Variants in ACSL3 observed in about 807,000 individuals in gnomAD.
ACSL3 encodes the protein fatty acid CoA ligase Acsl3.
A neutral mutation model predicts 84.7 loss-of-function variants in ACSL3; 34 were observed. That is an observed-to-expected ratio of 0.40 (90% CI 0.31 to 0.53). ACSL3 has a LOEUF of 0.53. Among genes scored for constraint, ACSL3 ranks in the 20% least tolerant of loss-of-function variants. The pLI is 0.48. For synonymous variants in ACSL3, 315 were observed against 299.4 expected, an observed-to-expected ratio of 1.05 and a Z score of -0.54; for missense variants, 680 against 873.1, an observed-to-expected ratio of 0.78 and a Z score of 2.79.
intron 2 of ACSL3, among the ~76,000 whole-genome samples, chr2:222,895,301 A>G (rs1695945799): frequency 6.6e-6 from 1 of 152,176 alleles, no homozygotes; most frequent in South Asian, 2.1e-4. Flanking sequence ...ATTCCTGCAC[A>G]TCTGTGTCCC....
chr2:222,943,480 A>G lies in ACSL3; in HGVS notation c.*1826A>G, dbSNP rs1697381067. ...AAAAAAAGGAGATTGTATCTAGGAA[A>G]AAAGTGTGAATGCTTCAAAGGAGAG... On this transcript the variant is annotated 3_prime_UTR_variant, in exon 17 of 17. Transcript: ENST00000357430. 5.9e-6 allele frequency: 1 copy of G among 170,190 alleles called. No individual in the cohort carries two copies. The highest frequency in any genetic ancestry group is 1.3e-5 in the Non-Finnish European group (1 of 78,550). 10.5% of individuals were successfully genotyped at this position (170,190 alleles called of 1,614,324 possible). A position where few individuals can be genotyped will look rare whatever the true frequency, so the allele number is the denominator to read the frequency against.
rs1695760356 is a variant in ACSL3 at position 222,887,866 on chromosome 2, G to GTACC, written c.-168_-165dup. Reference sequence around the variant, plus strand: ...AGGGCGCATATCTTCAAAGCACCTAGTACCTCCTACCATTGTCAACTGGTA... The same window carrying GTACC: ...AGGGCGCATATCTTCAAAGCACCTAGTACCTACCTCCTACCATTGTCAACTGGTA... On this transcript the variant is annotated 5_prime_UTR_variant, in exon 2 of 17. Transcript: ENST00000357430. 6.6e-6 allele frequency: 1 copy of GTACC among 152,028 alleles called. No individual in the cohort carries two copies. The highest frequency in any genetic ancestry group is 2.4e-5 in the African/African-American group (1 of 41,374). The allele number at this position is 152,028 out of a possible 1,614,324, so 9.4% of individuals were successfully genotyped here. A position where few individuals can be genotyped will look rare whatever the true frequency, so the allele number is the denominator to read the frequency against.
chr2:222,921,572 G>C lies in ACSL3; in HGVS notation c.956+142G>C. ...AGGCATTTCCTTAAAAAATAAAAAA[G>C]GACATTAAAATTAATGGCAAAATAG... On this transcript the variant is annotated intron_variant, in intron 8 of 16. Coordinates refer to ENST00000357430, the MANE Select transcript of ACSL3 (RefSeq NM_004457.5). 4 of 794,734 alleles carry C rather than the reference G, an allele frequency of 5.0e-6. No homozygotes were observed. The South Asian group carries it at 1.5e-4, about 30-fold the overall frequency. The allele number at this position is 794,734 out of a possible 1,614,324, so 49.2% of individuals were successfully genotyped here. A position where few individuals can be genotyped will look rare whatever the true frequency, so the allele number is the denominator to read the frequency against.
At chr2:222,893,326 G>T (rs1020986190) in intron 2 of ACSL3, among the ~76,000 whole-genome samples, 1 of 152,096 alleles carries the variant, frequency 6.6e-6, no homozygotes, top group Non-Finnish European at 1.5e-5. Context: ...TGGATGTGAG[G>T]GGCATAAAAT....
At chr2:222,938,329 AT>A in intron 16 of ACSL3, among the ~76,000 whole-genome samples, 1 of 152,144 alleles carries the variant, frequency 6.6e-6, no homozygotes. Flanking sequence ...TCCTATCATT[AT>A]TTTTTGTAGG....
At chr2:222,887,570 A>G (rs1267440519) in intron 1 of ACSL3, among the ~76,000 whole-genome samples, 1 of 152,142 alleles carries the variant, frequency 6.6e-6, no homozygotes, top group Non-Finnish European at 1.5e-5. Flanking sequence ...ACATCCTTGC[A>G]AGCATTGGGT....
chr2:222,889,372 C>T (rs569871261), intron 2 of ACSL3, among the ~76,000 whole-genome samples: 1 of 152,076 alleles, frequency 6.6e-6, no homozygotes. Flanking sequence ...AAATAAGACT[C>T]GTAGTCATGT....
chr2:222,908,516 C>T (rs1044974486), intron 3 of ACSL3, among the ~76,000 whole-genome samples: 2 of 152,076 alleles, frequency 1.3e-5, no homozygotes, highest in Non-Finnish European at 2.9e-5. Flanking sequence ...TTGGAACAGC[C>T]GCCTGTTTAC....
intron 2 of ACSL3, among the ~76,000 whole-genome samples, chr2:222,889,641 G>A (rs1050173158): frequency 2.6e-5 from 4 of 152,230 alleles, no homozygotes; most frequent in Non-Finnish European, 2.9e-5. Flanking sequence ...GTATGTGAAA[G>A]TGACCTAGAT....
intron 14 of ACSL3, among the ~76,000 whole-genome samples, chr2:222,932,501 G>A (rs540174399): frequency 6.1e-4 from 93 of 152,136 alleles, no homozygotes; most frequent in Non-Finnish European, 1.1e-3. Context: ...GCTAGTTTTC[G>A]TATTTTTAGT....
Position 222,877,111 on chromosome 2 carries a change from A to C in ACSL3, c.-206-10719A>C, listed in dbSNP as rs546647861. 5.3e-5 allele frequency among the ~76,000 whole-genome samples: 8 copies of C among 152,284 alleles called. No homozygotes were observed. The South Asian group carries it at 1.7e-3, about 32-fold the overall frequency. On this transcript the variant is annotated intron_variant, in intron 1 of 16. Transcript: ENST00000357430. Reference sequence around the variant, plus strand: ...AACTGAAAGGGTGTGTTACAGGATAAGTCAATTAACAGTAGAGATCAGGCA... The same window carrying C: ...AACTGAAAGGGTGTGTTACAGGATACGTCAATTAACAGTAGAGATCAGGCA...
In ACSL3 at chr2:222,909,029, A is replaced by G; in HGVS notation, c.257A>G (p.Asp86Gly). 1 of 1,613,560 alleles carries G rather than the reference A, an allele frequency of 6.2e-7. No individual in the cohort carries two copies. The highest frequency in any genetic ancestry group is 1.1e-5 in the South Asian group (1 of 90,800). ...GCTTCAGTATTATACCCTGGATGTGATACTTTAGATAAAGTTTTTACATAT... is the reference window on the plus strand; with the variant it reads ...GCTTCAGTATTATACCCTGGATGTGGTACTTTAGATAAAGTTTTTACATAT... ...GLASVLYPGC[D>G]TLDKVFTYAK... The change falls in exon 4 of 17, where the codon GAT becomes GGT. Residue 86 changes from aspartate to glycine, a missense_variant. Physicochemically the swap from Asp to Gly is moderately conservative, Grantham distance 94. Coordinates refer to ENST00000357430, the MANE Select transcript of ACSL3 (RefSeq NM_004457.5).
At chr2:222,872,749 G>A (rs778015012) in intron 1 of ACSL3, among the ~76,000 whole-genome samples, 71 of 152,058 alleles carry the variant, frequency 4.7e-4, no homozygotes, top group Non-Finnish European at 9.0e-4. Flanking sequence ...TGAGGAAGTG[G>A]CATCCAACTG....
At position 222,863,852 on chromosome 2, in the gene ACSL3, G is replaced by A. The variant is rs192882185; in HGVS notation, c.-207+2594G>A. Among the ~76,000 whole-genome samples, 513 of 152,164 alleles carry A rather than the reference G, an allele frequency of 3.4e-3. 2 individuals carry two copies. The highest frequency in any genetic ancestry group is 0.011 in the African/African-American group (467 of 41,510). ...TACATTGCAATATATTTACTTAATG[G>A]CCATCTGCATGCAAAACACCGTCCT... is the stretch of plus-strand genomic sequence containing the variant. On this transcript the variant is annotated intron_variant, in intron 1 of 16. Transcript: ENST00000357430.
intron 1 of ACSL3, among the ~76,000 whole-genome samples, chr2:222,866,594 C>T (rs996725519): frequency 1.3e-5 from 2 of 152,074 alleles, no homozygotes; most frequent in African/African-American, 4.8e-5. Context: ...TTAACCTGGG[C>T]GCTGCATCTC....
At chr2:222,907,889 C>G (rs1308144971) in intron 3 of ACSL3, among the ~76,000 whole-genome samples, 1 of 152,112 alleles carries the variant, frequency 6.6e-6, no homozygotes, top group Non-Finnish European at 1.5e-5. Flanking sequence ...GTTCAGATAT[C>G]ACTTAGCTGT....
intron 1 of ACSL3, among the ~76,000 whole-genome samples, chr2:222,873,233 A>G (rs1031502367): frequency 2.0e-5 from 3 of 152,234 alleles, no homozygotes; most frequent in African/African-American, 7.2e-5. Context: ...CTATAAATAT[A>G]TATAACAATA....
chr2:222,878,385 T>G (rs1695507560), intron 1 of ACSL3, among the ~76,000 whole-genome samples: 1 of 152,188 alleles, frequency 6.6e-6, no homozygotes, highest in Non-Finnish European at 1.5e-5. Context: ...AGCGATGGAT[T>G]GTTTCAGGCC....
chr2:222,942,222 A>T lies in ACSL3; in HGVS notation c.*568A>T, dbSNP rs1254181788. 1.1e-5 allele frequency: 2 copies of T among 190,234 alleles called. No individual in the cohort carries two copies. The highest frequency in any genetic ancestry group is 2.2e-5 in the Non-Finnish European group (2 of 90,342). 11.8% of individuals were successfully genotyped at this position (190,234 alleles called of 1,614,324 possible). ...ATATACCCATACTTATGTTTTAAGA[A>T]GTTGAGATCTTGTGAATATATGCCT... On this transcript the variant is annotated 3_prime_UTR_variant, in exon 17 of 17. Transcript: ENST00000357430.
Sources: gnomAD v4.1 joint callset for allele counts (sites outside exome capture counted in the v4.1 genomes callset) on GRCh38, gnomAD v4.1.1 for gene constraint, MANE v1.5 for transcripts, NCBI Gene and HGNC (gene_info 2026-07-23, HGNC 2026-07-21) for gene names.